Variants in PLCH1 observed in about 807,000 individuals in gnomAD.
PLCH1 encodes 1-phosphatidylinositol 4,5-bisphosphate phosphodiesterase eta-1.
In PLCH1, 60 loss-of-function variants were observed where a neutral mutation model predicts 126.7. That is an observed-to-expected ratio of 0.47 (90% CI 0.38 to 0.59). The LOEUF is 0.59. Ranked by LOEUF, PLCH1 falls within the 20% of genes least tolerant of loss-of-function variation. The pLI, the probability that PLCH1 is intolerant of heterozygous loss-of-function variation, is 0.00. For synonymous variants in PLCH1, 719 were observed against 734.9 expected (o/e 0.98, Z 0.35); for missense variants, 1,723 against 2,040.0 (o/e 0.84, Z 2.99).
rs1728134823 is a variant in PLCH1, at chr3:155,564,999, A to G, written c.985T>C (p.Tyr329His). The G allele has an allele frequency of 6.2e-7, 1 of 1,613,670 alleles. No homozygotes were observed. Among genetic ancestry groups the G allele is most frequent in the Non-Finnish European group, 8.5e-7 (1 of 1,179,592 alleles). ...NYYIASSHNT[Y>H]LTGDQLLSQS... ...GAAAGGAGCTGGTCTCCAGTCAGGT[A>G]TGTATTGTGAGAGGAAGCAATGTAG... The change falls in exon 8 of 23, where the codon TAC (tyrosine) becomes CAC (histidine). Residue 329 changes from tyrosine to histidine, a missense_variant. This residue lies in a region of PLCH1 where 776 missense variants were observed against 1,062.9 expected (regional missense o/e 0.73). Transcript: ENST00000460012.
chr3:155,458,447 AAGG>A (rs57091427), intron 21 of PLCH1, among the ~76,000 whole-genome samples: 1 of 73,628 alleles, frequency 1.4e-5, no homozygotes, highest in Non-Finnish European at 2.5e-5. Context: ...GGAAGGAAGG[AAGG>A]AAGGAAAGAA....
intron 2 of PLCH1, among the ~76,000 whole-genome samples, chr3:155,614,234 A>G (rs1260153554): frequency 2.0e-5 from 3 of 152,152 alleles, no homozygotes; most frequent in African/African-American, 7.2e-5. Flanking sequence ...AAAGCAATCT[A>G]CAAGTTCAAC....
In PLCH1 at chr3:155,481,272, G is replaced by C. The variant is rs145798623; in HGVS notation, c.4754C>G (p.Ala1585Gly). Residue 1585 changes from alanine to glycine, a missense_variant, in exon 23 of 23, where the codon GCC (alanine) becomes GGC (glycine). Physicochemically the swap from Ala to Gly is moderately conservative, Grantham distance 60. Transcript: ENST00000460012. The surrounding 1 kb of genome is among the most constrained non-coding windows in gnomAD (Gnocchi z 4.2). ...QSRVRNIASR[A>G]KEKQEANKQK... Reference sequence around the variant, plus strand: ...CTTGTTGGCTTCCTGTTTCTCCTTGGCACGACTAGCAATATTGCGCACTCT... The same window carrying C: ...CTTGTTGGCTTCCTGTTTCTCCTTGCCACGACTAGCAATATTGCGCACTCT... 9 of 1,614,018 alleles carry C rather than the reference G, an allele frequency of 5.6e-6. No homozygotes were observed. The African/African-American group carries it at 9.3e-5, about 17-fold the overall frequency.
chr3:155,476,920 C>T (rs552689251), downstream of PLCH1, among the ~76,000 whole-genome samples: 2 of 151,460 alleles, frequency 1.3e-5, no homozygotes, highest in East Asian at 3.9e-4. Flanking sequence ...TATATGGAAC[C>T]ACAAAAGACC....
At chr3:155,464,833 G>A (rs546086129) in intron 21 of PLCH1, among the ~76,000 whole-genome samples, 14 of 152,194 alleles carry the variant, frequency 9.2e-5, no homozygotes, top group Middle Eastern at 3.4e-3. Flanking sequence ...AGTGACAGCC[G>A]GGCACGGTGG....
intron 2 of PLCH1, among the ~76,000 whole-genome samples, chr3:155,673,244 TA>T (rs1437460113): frequency 6.6e-6 from 1 of 151,970 alleles, no homozygotes; most frequent in African/African-American, 2.4e-5. Context: ...GACTTCTCCA[TA>T]CTCAGGTACC....
chr3:155,718,690 G>C (rs116065333), intron 1 of PLCH1, among the ~76,000 whole-genome samples: 1 of 152,048 alleles, frequency 6.6e-6, no homozygotes, highest in Non-Finnish European at 1.5e-5. Context: ...CAGATCTTTC[G>C]AGATGTCACT....
chr3:155,583,823 G>C (rs1431831388), intron 5 of PLCH1, among the ~76,000 whole-genome samples, 181 bp from the exon 6 acceptor site: 1 of 151,510 alleles, frequency 6.6e-6, no homozygotes, highest in African/African-American at 2.4e-5. Context: ...CCACATATTT[G>C]GCCAGAAAGT....
intron 21 of PLCH1, among the ~76,000 whole-genome samples, chr3:155,466,206 A>G (rs544636340): frequency 1.3e-5 from 2 of 152,300 alleles, no homozygotes; most frequent in African/African-American, 4.8e-5. Flanking sequence ...CAGGCTTTGG[A>G]TCTGACCCAG....
chr3:155,561,841 G>A (rs1387004680), intron 8 of PLCH1, among the ~76,000 whole-genome samples: 2 of 152,134 alleles, frequency 1.3e-5, no homozygotes, highest in Non-Finnish European at 2.9e-5. Context: ...GAGTGCAAAG[G>A]CATGATCTCG....
At chr3:155,632,312 T>A (rs1309682087) in intron 2 of PLCH1, among the ~76,000 whole-genome samples, 2 of 152,162 alleles carry the variant, frequency 1.3e-5, no homozygotes, top group Non-Finnish European at 2.9e-5. Flanking sequence ...TATATCTCCA[T>A]ATCAAGAAAA....
chr3:155,681,291 C>T (rs1461212703), intron 2 of PLCH1, among the ~76,000 whole-genome samples: 1 of 152,194 alleles, frequency 6.6e-6, no homozygotes, highest in Non-Finnish European at 1.5e-5. Context: ...TTGAGGCTTA[C>T]TAACATTTAT....
rs566034773 is a variant in PLCH1, at chr3:155,538,132, T to A, written c.1362+11655A>T. Among the ~76,000 whole-genome samples, 173 of 152,212 alleles carry A rather than the reference T, an allele frequency of 1.1e-3. 1 individual carries two copies. The highest frequency in any genetic ancestry group is 2.3e-3 in the South Asian group (11 of 4,822). ...GTGCAAATACATATAAATTAAATAA[T>A]CTGCTCCTGAATAATTGTTGCGTCA... On this transcript the variant is annotated intron_variant, in intron 10 of 22. Transcript: ENST00000460012.
At chr3:155,571,834 TC>T (rs1729271209) in intron 6 of PLCH1, among the ~76,000 whole-genome samples, 1 of 152,256 alleles carries the variant, frequency 6.6e-6, no homozygotes, top group Admixed American at 6.5e-5. Context: ...GATCTGCCTC[TC>T]TGCCTGTCCT....
intron 2 of PLCH1, among the ~76,000 whole-genome samples, chr3:155,627,397 G>A (rs6805849): frequency 0.24 from 37,095 of 152,028 alleles, 5,195 homozygotes; most frequent in African/African-American, 0.38. Context: ...TTGGGAGGCC[G>A]AGGCAGGCCG....
intron 12 of PLCH1, among the ~76,000 whole-genome samples, chr3:155,514,098 T>G (rs1719982002): frequency 6.6e-6 from 1 of 152,196 alleles, no homozygotes; most frequent in Non-Finnish European, 1.5e-5. Context: ...ATGACACCAC[T>G]GAGCCTTGGG....
At position 155,470,207 on chromosome 3, in the gene PLCH1, T is replaced by G. The variant is rs895098903; in HGVS notation, c.2938+15149A>C. 1.1e-3 allele frequency among the ~76,000 whole-genome samples: 163 copies of G among 151,772 alleles called. 1 individual carries two copies. Among genetic ancestry groups the G allele is most frequent in the African/African-American group, 3.8e-3 (157 of 41,452 alleles). On this transcript the variant is annotated intron_variant, in intron 21 of 21. Coordinates refer to the PLCH1 transcript ENST00000494598. Reference sequence around the variant, plus strand: ...AATTTAGAAGAATGTATAACTAGAATAACCAATACAGAGAAGTGCTTAAAG... The same window carrying G: ...AATTTAGAAGAATGTATAACTAGAAGAACCAATACAGAGAAGTGCTTAAAG...
intron 2 of PLCH1, among the ~76,000 whole-genome samples, chr3:155,659,790 C>T (rs544540314): frequency 8.6e-5 from 13 of 151,988 alleles, no homozygotes; most frequent in East Asian, 3.9e-4. Context: ...TGAGCCACTG[C>T]GCTCAGCTAA....
In PLCH1 at chr3:155,578,096, T is replaced by C. The variant is rs554935462; in HGVS notation, c.771+5376A>G. 1.1e-4 allele frequency among the ~76,000 whole-genome samples: 17 copies of C among 152,320 alleles called. No homozygotes were observed. In the South Asian group the frequency reaches 2.9e-3, roughly 26 times the overall value. ...TTTGGACTCCTGGTCTAATGTTCTT[T>C]CCAGTACACTATGAGAGTTCTGCAA... On this transcript the variant is annotated intron_variant, in intron 6 of 22. Coordinates refer to ENST00000460012, the MANE Select transcript of PLCH1 (RefSeq NM_014996.4).
Sources: allele counts gnomAD v4.1 joint callset (sites outside exome capture counted in the v4.1 genomes callset), GRCh38; gene constraint gnomAD v4.1.1; regional missense constraint gnomAD v4.1.1; non-coding constraint Gnocchi (gnomAD v3.1); transcripts MANE v1.5; gene names NCBI Gene and HGNC (gene_info 2026-07-23, HGNC 2026-07-21).